Variants in MOCOS observed in about 807,000 individuals in gnomAD.
MOCOS encodes the protein human molybdenum cofactor sulfurase.
MOCOS carries 86 observed loss-of-function variants against 83.6 expected under a neutral mutation model. The observed-to-expected ratio is 1.03, with a 90% CI of 0.86 to 1.23. The LOEUF (loss-of-function observed/expected upper bound fraction) is 1.23. Among genes scored for constraint, MOCOS ranks in the 50% most tolerant of loss-of-function variants. MOCOS has a pLI of 0.00. For synonymous variants in MOCOS, 445 were observed against 434.7 expected (o/e 1.02, Z -0.29); for missense variants, 1,120 against 1,126.9 (o/e 0.99, Z 0.09).
chr18:36,250,133 C>T (rs1201546922), intron 10 of MOCOS, among the ~76,000 whole-genome samples: 4 of 152,140 alleles, frequency 2.6e-5, no homozygotes, highest in Non-Finnish European at 5.9e-5. Context: ...CCAACCAATT[C>T]CCCTTTCACC....
intron 11 of MOCOS, among the ~76,000 whole-genome samples, chr18:36,252,892 G>A (rs1485961017): frequency 2.6e-5 from 4 of 152,132 alleles, no homozygotes; most frequent in African/African-American, 4.8e-5. Flanking sequence ...TGATTTTCAC[G>A]CCATAAGCTG....
At chr18:36,198,624 C>A in intron 2 of MOCOS, 66 bp from the exon 3 acceptor site, 1 of 1,510,714 alleles carries the variant, frequency 6.6e-7, no homozygotes, top group Non-Finnish European at 9.2e-7. Context: ...GGAGTGGATT[C>A]AGAAGGAACA....
chr18:36,203,194 G>A lies in MOCOS; in HGVS notation c.1018+5G>A. ...ACACCCTAGAGCGCCTCACAGGTCA[G>A]TGGACATTTCTATCCCTGTGGAATT... is the stretch of plus-strand genomic sequence containing the variant. On this transcript the variant is annotated splice_donor_5th_base_variant and intron_variant, in intron 5 of 14. Coordinates refer to ENST00000261326, the MANE Select transcript of MOCOS (RefSeq NM_017947.4). The A allele has an allele frequency of 6.2e-7, 1 of 1,613,078 alleles. No homozygotes were observed. The highest frequency in any genetic ancestry group is 8.5e-7 in the Non-Finnish European group (1 of 1,179,034).
At chr18:36,201,662 C>CAAAAAAA (rs1568050276) in intron 4 of MOCOS, among the ~76,000 whole-genome samples, 1 of 2,526 alleles carries the variant, frequency 4.0e-4, no homozygotes, top group African/African-American at 6.4e-4. Context: ...GACTCCATCT[C>CAAAAAAA]CAAAAAAAAA....
chr18:36,226,048 T>C (rs1401316819), intron 9 of MOCOS, among the ~76,000 whole-genome samples: 1 of 152,082 alleles, frequency 6.6e-6, no homozygotes, highest in Non-Finnish European at 1.5e-5. Flanking sequence ...GTTTTATGTA[T>C]GTTTGTTAGG....
At chr18:36,220,366 G>A in intron 9 of MOCOS, 149 bp downstream of exon 9, 3 of 1,067,970 alleles carry the variant, frequency 2.8e-6, no homozygotes, top group Non-Finnish European at 4.0e-6. Context: ...AAATTATCCT[G>A]GGTGTGGGAG....
chr18:36,199,876 A>G lies in MOCOS; in HGVS notation c.493A>G (p.Ile165Val). 1.2e-6 allele frequency: 2 copies of G among 1,614,006 alleles called. No homozygotes were observed. Among genetic ancestry groups the G allele is most frequent in the Non-Finnish European group, 1.7e-6 (2 of 1,179,904 alleles). Residue 165 changes from isoleucine (I) to valine (V), a missense_variant, in exon 4 of 15, where the codon ATA becomes GTA. Transcript: ENST00000261326. The stretch of plus-strand genomic sequence containing the variant: ...GGGTATGCGGAACGTGACCATGGCT[A>G]TAAATGTCATATCCACCCCGGTCAG... ...VVGMRNVTMA[I>V]NVISTPVRPE...
intron 11 of MOCOS, among the ~76,000 whole-genome samples, chr18:36,251,765 C>G (rs1004810876): frequency 6.6e-6 from 1 of 152,154 alleles, no homozygotes; most frequent in Admixed American, 6.5e-5. Context: ...CCACCTTAAG[C>G]CATTGTTAGG....
intron 12 of MOCOS, among the ~76,000 whole-genome samples, chr18:36,259,553 CA>C (rs11302704): frequency 0.42 from 59,127 of 141,254 alleles, 11,842 homozygotes; most frequent in Non-Finnish European, 0.47. Flanking sequence ...TTTTAATACC[CA>C]AAAAAAAAAA....
chr18:36,258,448 C>T (rs904504381), intron 12 of MOCOS, among the ~76,000 whole-genome samples: 1 of 152,134 alleles, frequency 6.6e-6, no homozygotes, highest in Non-Finnish European at 1.5e-5. Context: ...TGGAAAAGTG[C>T]TAATCCTCTT....
chr18:36,266,907 AC>A, intron 14 of MOCOS, 54 bp downstream of exon 14: 2 of 1,397,244 alleles, frequency 1.4e-6, no homozygotes, highest in Non-Finnish European at 2.0e-6. Context: ...TGTTATCAAT[AC>A]CAGAACTATG....
intron 11 of MOCOS, 79 bp downstream of exon 11, chr18:36,251,362 C>A (rs1193044642): frequency 6.5e-7 from 1 of 1,548,082 alleles, no homozygotes; most frequent in Non-Finnish European, 8.9e-7. Context: ...CCATGAACTG[C>A]ACTTACGGGT....
At chr18:36,198,248 C>A (rs73430957) in intron 2 of MOCOS, among the ~76,000 whole-genome samples, 13,119 of 152,004 alleles carry the variant, frequency 0.086, 743 homozygotes, top group East Asian at 0.15. Context: ...AAAAAGTTAG[C>A]CAGGTGTAGT....
At chr18:36,226,170 C>T (rs898434254) in intron 9 of MOCOS, among the ~76,000 whole-genome samples, 3 of 151,976 alleles carry the variant, frequency 2.0e-5, no homozygotes, top group African/African-American at 7.2e-5. Flanking sequence ...TCGGTTCTGT[C>T]AATGTTTGCT....
chr18:36,218,004 C>T (rs1226796356), intron 8 of MOCOS, among the ~76,000 whole-genome samples: 3 of 152,160 alleles, frequency 2.0e-5, no homozygotes, highest in Admixed American at 6.5e-5. Flanking sequence ...ACCCAAAGAA[C>T]ATCATCTCCA....
At chr18:36,195,205 C>G in intron 1 of MOCOS, 52 bp from the exon 2 acceptor site, 1 of 1,529,582 alleles carries the variant, frequency 6.5e-7, no homozygotes, top group Admixed American at 1.7e-5. Context: ...GTTGGGCTTA[C>G]ACAAACCAGA....
chr18:36,236,551 G>A, intron 9 of MOCOS, among the ~76,000 whole-genome samples: 2 of 100,360 alleles, frequency 2.0e-5, no homozygotes, highest in Non-Finnish European at 4.0e-5. Context: ...AGTATAGTTT[G>A]AAGTCAGGTA....
chr18:36,193,771 A>G (rs1395720523), intron 1 of MOCOS, among the ~76,000 whole-genome samples: 1 of 152,236 alleles, frequency 6.6e-6, no homozygotes, highest in African/African-American at 2.4e-5. Flanking sequence ...TGTTTCAATG[A>G]ACACCATCAA....
In MOCOS at chr18:36,189,456, G is replaced by A. The variant is rs192878671; in HGVS notation, c.142+1775G>A. On this transcript the variant is annotated intron_variant, in intron 1 of 14. Coordinates refer to ENST00000261326, the MANE Select transcript of MOCOS (RefSeq NM_017947.4). ...CCTAGAAACAAGACAGAGAGAGGGC[G>A]GGAAAAAACAAACCAAAATAACATC... Among the ~76,000 whole-genome samples the A allele has an allele frequency of 2.7e-3, 321 of 118,670 alleles. 1 individual carries two copies. The highest frequency in any genetic ancestry group is 8.7e-3 in the African/African-American group (306 of 35,360). 77.9% of individuals were successfully genotyped at this position (118,670 alleles called of 152,430 possible). A position where few individuals can be genotyped will look rare whatever the true frequency, so the allele number is the denominator to read the frequency against.
Sources: gnomAD v4.1 joint callset for allele counts (sites outside exome capture counted in the v4.1 genomes callset) on GRCh38, gnomAD v4.1.1 for gene constraint, MANE v1.5 for transcripts, NCBI Gene and HGNC (gene_info 2026-07-23, HGNC 2026-07-21) for gene names.